Variants in IFI44 observed in about 807,000 individuals in gnomAD.
IFI44 encodes the protein interferon-induced protein 44.
In IFI44, 42 loss-of-function variants were observed where a neutral mutation model predicts 45.0. That is an observed-to-expected ratio of 0.93 (90% CI 0.73 to 1.21). The LOEUF (loss-of-function observed/expected upper bound fraction) is 1.21. Ranked by LOEUF, IFI44 falls within the 50% of genes most tolerant of loss-of-function variation. The probability of loss-of-function intolerance (pLI) is 0.00; values close to 1 mark genes in which losing one functional copy is unlikely to be tolerated. For synonymous variants in IFI44, 221 were observed against 188.6 expected, an observed-to-expected ratio of 1.17 and a Z score of -1.41; for missense variants, 623 against 525.8, an observed-to-expected ratio of 1.18 and a Z score of -1.81.
At chr1:78,657,316 C>G (rs1647236469) in intron 5 of IFI44, among the ~76,000 whole-genome samples, 1 of 151,926 alleles carries the variant, frequency 6.6e-6, no homozygotes, top group Non-Finnish European at 1.5e-5. Context: ...TCATTTGTTT[C>G]TTAAGAAATC....
In IFI44 at chr1:78,663,146, C is replaced by T. The variant is rs1264420616; in HGVS notation, c.1288+268C>T. 5.1e-6 allele frequency: 5 copies of T among 985,168 alleles called. No individual in the cohort carries two copies. The East Asian group carries it at 3.4e-4, about 67-fold the overall frequency. 61.0% of individuals were successfully genotyped at this position (985,168 alleles called of 1,614,324 possible). ...AAATAATCCACCTCTGTCATTTCCA[C>T]TCTCTGAACATCCCAAGCTGTATCC... On this transcript the variant is annotated intron_variant, in intron 8 of 8. Coordinates refer to ENST00000370747, the MANE Select transcript of IFI44 (RefSeq NM_006417.5).
intron 8 of IFI44, chr1:78,663,563 C>A: frequency 1.0e-6 from 1 of 985,298 alleles, no homozygotes; most frequent in Non-Finnish European, 1.2e-6. Context: ...CTCTCTTACT[C>A]AAATTGCTGG....
chr1:78,663,744 AT>A lies in IFI44; in HGVS notation c.1289-17del. On this transcript the variant is annotated intron_variant, in intron 8 of 8. Coordinates refer to ENST00000370747, the MANE Select transcript of IFI44 (RefSeq NM_006417.5). ...TTTCCTGAGATAATCCACTAAGAAT[AT>A]TTTGTGTTTCTTTTCTCAGGGAATC... The A allele has an allele frequency of 6.2e-7, 1 of 1,610,024 alleles. No individual in the cohort carries two copies. The highest frequency in any genetic ancestry group is 8.5e-7 in the Non-Finnish European group (1 of 1,178,776).
intron 2 of IFI44, among the ~76,000 whole-genome samples, chr1:78,652,883 T>C (rs1316145395): frequency 1.3e-5 from 2 of 152,190 alleles, no homozygotes; most frequent in Non-Finnish European, 2.9e-5. Flanking sequence ...CAGTTGACAC[T>C]GATGAAATTT....
chr1:78,652,015 A>G (rs892242248), intron 2 of IFI44, among the ~76,000 whole-genome samples: 6 of 152,128 alleles, frequency 3.9e-5, no homozygotes, highest in Non-Finnish European at 5.9e-5. Flanking sequence ...GCCACTTTAC[A>G]TATTGAAAAA....
Position 78,662,813 on chromosome 1 carries a change from C to G in IFI44, c.1223C>G (p.Ser408Cys), listed in dbSNP as rs1339889229. ...LDPVKDVLIL[S>C]ALRRMLWAAD... ...CCTGTAAAGGATGTTCTAATTCTTT[C>G]TGCTCTGAGACGAATGCTATGGGCT... The change falls in exon 8 of 9, where the codon TCT (serine) becomes TGT (cysteine). Residue 408 changes from serine to cysteine, a missense_variant. Ser to Cys is a moderately radical substitution (Grantham distance 112). Coordinates refer to ENST00000370747, the MANE Select transcript of IFI44 (RefSeq NM_006417.5). 6.2e-7 allele frequency: 1 copy of G among 1,613,806 alleles called. No individual in the cohort carries two copies. The highest frequency in any genetic ancestry group is 8.5e-7 in the Non-Finnish European group (1 of 1,179,884).
intron 4 of IFI44, 69 bp from the exon 5 acceptor site, chr1:78,655,293 T>G: frequency 6.4e-7 from 1 of 1,561,316 alleles, no homozygotes; most frequent in Non-Finnish European, 8.7e-7. Context: ...TCAACTTTAT[T>G]ACATATAGAC....
chr1:78,662,347 G>A (rs182942809), intron 7 of IFI44, among the ~76,000 whole-genome samples: 5 of 152,316 alleles, frequency 3.3e-5, no homozygotes, highest in East Asian at 1.9e-4. Context: ...TTTGATTCTA[G>A]AGGTAAAATA....
Position 78,654,968 on chromosome 1 carries a change from G to C in IFI44, c.495-46G>C, listed in dbSNP as rs757067516. ...CTCAGAAAATTTATAATAAGGTTTT[G>C]CGACCTAACCTCAGTCAATTGTTAA... On this transcript the variant is annotated intron_variant, in intron 3 of 8. Coordinates refer to ENST00000370747, the MANE Select transcript of IFI44 (RefSeq NM_006417.5). 4 of 1,345,304 alleles carry C rather than the reference G, an allele frequency of 3.0e-6. No individual in the cohort carries two copies. In the South Asian group the frequency reaches 7.3e-5, roughly 24 times the overall value. 83.3% of individuals were successfully genotyped at this position (1,345,304 alleles called of 1,614,324 possible).
At chr1:78,663,708 C>A in intron 8 of IFI44, 57 bp from the exon 9 acceptor site, 2 of 1,597,294 alleles carry the variant, frequency 1.3e-6, no homozygotes, top group East Asian at 2.3e-5. Flanking sequence ...TTCCTCTTCC[C>A]TCTGGTTGCC....
Position 78,663,779 on chromosome 1 carries a change from G to A in IFI44, c.1303G>A (p.Glu435Lys), listed in dbSNP as rs750382663. ...PFEQIGNLRE[E>K]IINCAQGKK ...TCTTTTCTCAGGGAATCTAAGGGAG[G>A]AAATTATCAACTGTGCACAAGGAAA... Residue 435 changes from glutamate to lysine, a missense_variant, in exon 9 of 9, where the codon GAA becomes AAA. Coordinates refer to ENST00000370747, the MANE Select transcript of IFI44 (RefSeq NM_006417.5). The A allele has an allele frequency of 6.2e-7, 1 of 1,612,392 alleles. No homozygotes were observed. Among genetic ancestry groups the A allele is most frequent in the Admixed American group, 1.7e-5 (1 of 59,716 alleles).
intron 7 of IFI44, 25 bp from the exon 8 acceptor site, chr1:78,662,679 T>C: frequency 6.5e-7 from 1 of 1,542,628 alleles, no homozygotes; most frequent in Non-Finnish European, 8.9e-7. Context: ...TGTTTTGCAA[T>C]GTCTTTTTAA....
At chr1:78,659,224 A>C (rs1410900974) in intron 5 of IFI44, 88 bp from the exon 6 acceptor site, 1 of 1,071,026 alleles carries the variant, frequency 9.3e-7, no homozygotes, top group Non-Finnish European at 1.4e-6. Context: ...TTTGTTTACC[A>C]TTTGATTCAC....
chr1:78,663,383 T>C (rs1374673500), intron 8 of IFI44: 1 of 985,264 alleles, frequency 1.0e-6, no homozygotes, highest in Non-Finnish European at 1.2e-6. Flanking sequence ...TATGTCCTTT[T>C]ATGTAATGGC....
intron 8 of IFI44, chr1:78,663,341 C>T (rs1647581397): frequency 1.8e-5 from 18 of 985,230 alleles, no homozygotes; most frequent in Non-Finnish European, 2.0e-5. Flanking sequence ...CTTAGTCCCT[C>T]TTCATGCAGT....
chr1:78,650,591 T>C lies in IFI44; in HGVS notation c.396T>C (p.Asn132=). 1 of 1,610,994 alleles carries C rather than the reference T, an allele frequency of 6.2e-7. No individual in the cohort carries two copies. The highest frequency in any genetic ancestry group is 8.5e-7 in the Non-Finnish European group (1 of 1,179,068). ...KVIMDLKTME[N]LGLAQNCTIS... ...TTATGGACTTAAAGACAATGGAAAA[T>C]CTTGGACTTGCTCAAAATTGTACTA... Residue 132 remains asparagine, a synonymous_variant, in exon 2 of 9, where the codon AAT becomes AAC. Coordinates refer to ENST00000370747, the MANE Select transcript of IFI44 (RefSeq NM_006417.5).
At chr1:78,653,757 T>C (rs532625254) in intron 2 of IFI44, among the ~76,000 whole-genome samples, 103 of 152,328 alleles carry the variant, frequency 6.8e-4, no homozygotes, top group Non-Finnish European at 1.2e-3. Flanking sequence ...GGAGTTCCAA[T>C]TGTTAATAGC....
chr1:78,654,930 G>GA, intron 3 of IFI44, 84 bp from the exon 4 acceptor site: 1 of 1,065,092 alleles, frequency 9.4e-7, no homozygotes, highest in Non-Finnish European at 1.3e-6. Context: ...TAATATCTAT[G>GA]AAAAAATGAA....
rs551312686 is a variant in IFI44, at chr1:78,660,582, T to A, written c.1041T>A (p.His347Gln). 6.2e-7 allele frequency: 1 copy of A among 1,613,732 alleles called. No homozygotes were observed. Among genetic ancestry groups the A allele is most frequent in the Non-Finnish European group, 8.5e-7 (1 of 1,179,714 alleles). Reference sequence around the variant, plus strand: ...TGGTACATGTGGCTTTGCTCACTCATGTGGATAGCATGGATTTGATTACAA... The same window carrying A: ...TGGTACATGTGGCTTTGCTCACTCAAGTGGATAGCATGGATTTGATTACAA... ...AGVVHVALLT[H>Q]VDSMDLITKG... is the part of the protein sequence containing the mutation. The change falls in exon 7 of 9, where the codon CAT becomes CAA. Residue 347 changes from histidine (H) to glutamine (Q), a missense_variant. Transcript: ENST00000370747.
Sources: gnomAD v4.1 joint callset for allele counts (sites outside exome capture counted in the v4.1 genomes callset) on GRCh38, gnomAD v4.1.1 for gene constraint, MANE v1.5 for transcripts, NCBI Gene and HGNC (gene_info 2026-07-23, HGNC 2026-07-21) for gene names.